The following CCDC141 variants were observed in gnomAD, a reference collection of about 807,000 sequenced individuals.
CCDC141 encodes coiled-coil domain-containing protein 141.
In CCDC141, 168 loss-of-function variants were observed where a neutral mutation model predicts 181.0. The ratio of observed to expected loss-of-function variants is 0.93; its 90% CI spans 0.82 to 1.05. The LOEUF is 1.05. Ranked by LOEUF, CCDC141 falls within the 50% of genes least tolerant of loss-of-function variation. The pLI, the probability that CCDC141 is intolerant of heterozygous loss-of-function variation, is 0.00. For missense variants in CCDC141, 1,902 were observed against 1,788.5 expected, an observed-to-expected ratio of 1.06 and a Z score of -1.14; for synonymous variants, 666 against 642.3, an observed-to-expected ratio of 1.04 and a Z score of -0.56.
chr2:178,993,652 T>C (rs1170107985), intron 2 of CCDC141, among the ~76,000 whole-genome samples: 1 of 152,020 alleles, frequency 6.6e-6, no homozygotes, highest in Non-Finnish European at 1.5e-5. Context: ...TTCCCAACAG[T>C]CCCCAAAGTC....
chr2:178,971,346 A>C (rs1180026237), intron 4 of CCDC141, among the ~76,000 whole-genome samples: 1 of 152,260 alleles, frequency 6.6e-6, no homozygotes, highest in African/African-American at 2.4e-5. Flanking sequence ...GTCATTAGAG[A>C]AATGCAAATC....
chr2:178,981,396 AC>A (rs35975073), intron 2 of CCDC141, among the ~76,000 whole-genome samples: 64,152 of 150,942 alleles, frequency 0.43, 14,185 homozygotes, highest in East Asian at 0.7. Context: ...ATACGAATAT[AC>A]TCTCAGACCA....
chr2:179,005,913 T>C (rs139026366), intron 2 of CCDC141, among the ~76,000 whole-genome samples: 304 of 152,302 alleles, frequency 2.0e-3, no homozygotes, highest in African/African-American at 7.0e-3. Flanking sequence ...CCCAGTGGTA[T>C]TTGTGTTTCT....
chr2:178,872,719 A>T (rs577583798), intron 12 of CCDC141, among the ~76,000 whole-genome samples: 1 of 152,194 alleles, frequency 6.6e-6, no homozygotes, highest in African/African-American at 2.4e-5. Flanking sequence ...GTATCAAGGC[A>T]TAGGAGGGGA....
At chr2:178,992,028 T>C (rs1038752802) in intron 2 of CCDC141, among the ~76,000 whole-genome samples, 11 of 152,092 alleles carry the variant, frequency 7.2e-5, no homozygotes, top group East Asian at 1.9e-4. Flanking sequence ...ATGGAAAATA[T>C]TGAATAATTT....
At chr2:178,881,583 C>T (rs912819319) in intron 11 of CCDC141, among the ~76,000 whole-genome samples, 18 of 151,912 alleles carry the variant, frequency 1.2e-4, no homozygotes, top group African/African-American at 3.9e-4. Flanking sequence ...GTGAAGAGGT[C>T]GCAAGTGGAA....
chr2:179,013,566 T>C (rs765066035), intron 2 of CCDC141, among the ~76,000 whole-genome samples: 8 of 151,984 alleles, frequency 5.3e-5, no homozygotes, highest in Non-Finnish European at 8.8e-5. Flanking sequence ...TTTAACGCAG[T>C]TCCCATCAAA....
At chr2:178,916,633 T>A (rs188792188) in intron 7 of CCDC141, among the ~76,000 whole-genome samples, 4 of 152,258 alleles carry the variant, frequency 2.6e-5, no homozygotes, top group African/African-American at 9.6e-5. Context: ...GGTAGAAATA[T>A]CCATCATCTT....
chr2:178,882,528 C>G (rs1686673084), intron 11 of CCDC141, among the ~76,000 whole-genome samples: 1 of 151,978 alleles, frequency 6.6e-6, no homozygotes, highest in African/African-American at 2.4e-5. Context: ...CCATGGAGGA[C>G]AGGTGAATAT....
chr2:178,954,196 T>G (rs1690067498), intron 5 of CCDC141, among the ~76,000 whole-genome samples: 1 of 152,214 alleles, frequency 6.6e-6, no homozygotes, highest in African/African-American at 2.4e-5. Context: ...TTATGCCTGA[T>G]TGGAGCAATT....
intron 7 of CCDC141, among the ~76,000 whole-genome samples, chr2:178,912,625 A>T (rs1688268046): frequency 6.6e-6 from 1 of 152,202 alleles, no homozygotes; most frequent in African/African-American, 2.4e-5. Flanking sequence ...AGGGTAAATT[A>T]AGACATCATC....
the CCDC141 span, among the ~76,000 whole-genome samples, chr2:178,820,617 GA>G: frequency 6.6e-6 from 1 of 152,078 alleles, no homozygotes; most frequent in African/African-American, 2.4e-5. Flanking sequence ...ATTTTTCCCT[GA>G]GAATGAGATC....
intron 2 of CCDC141, among the ~76,000 whole-genome samples, chr2:179,019,693 C>T (rs1229901399): frequency 6.6e-6 from 1 of 152,040 alleles, no homozygotes; most frequent in African/African-American, 2.4e-5. Flanking sequence ...AACATAGTTC[C>T]AATACATTGG....
At chr2:178,852,899 A>G (rs979668962) in intron 20 of CCDC141, among the ~76,000 whole-genome samples, 3 of 152,234 alleles carry the variant, frequency 2.0e-5, no homozygotes, top group African/African-American at 4.8e-5. Flanking sequence ...AGAGGAAAGC[A>G]GAACTTGTAA....
At chr2:179,035,601 C>T (rs1447036308) in intron 2 of CCDC141, among the ~76,000 whole-genome samples, 1 of 152,170 alleles carries the variant, frequency 6.6e-6, no homozygotes, top group Non-Finnish European at 1.5e-5. Context: ...CAAGGTGGCT[C>T]ATTCACATGA....
chr2:179,008,785 G>T (rs1391793367), intron 2 of CCDC141, among the ~76,000 whole-genome samples: 1 of 152,078 alleles, frequency 6.6e-6, no homozygotes, highest in Non-Finnish European at 1.5e-5. Context: ...GACTATCAGG[G>T]TACCTGAAAA....
chr2:178,963,214 GAGA>G (rs1182429174), intron 4 of CCDC141, among the ~76,000 whole-genome samples: 3 of 152,154 alleles, frequency 2.0e-5, no homozygotes, highest in African/African-American at 4.8e-5. Context: ...AAGAGAAGTT[GAGA>G]AGAAGATTTT....
chr2:178,973,899 A>C (rs113582315), intron 4 of CCDC141, among the ~76,000 whole-genome samples: 136 of 152,330 alleles, frequency 8.9e-4, no homozygotes, highest in African/African-American at 2.9e-3. Flanking sequence ...CTTTGGACCT[A>C]GCTAGATTAC....
rs575746432 is a variant in CCDC141 at position 179,022,899 on chromosome 2, G to A, written c.225+24385C>T. Among the ~76,000 whole-genome samples the A allele has an allele frequency of 8.1e-5, 12 of 147,878 alleles. 1 individual carries two copies. In the South Asian group the frequency reaches 1.5e-3, roughly 19 times the overall value. Reference sequence around the variant, plus strand: ...TTCCTGCAAATCCTATGAGATCCACGGCCTCAGTATTGCTAACTGAGTGGT... The same window carrying A: ...TTCCTGCAAATCCTATGAGATCCACAGCCTCAGTATTGCTAACTGAGTGGT... On this transcript the variant is annotated intron_variant, in intron 2 of 23. Coordinates refer to ENST00000443758, the MANE Select transcript of CCDC141 (RefSeq NM_173648.4).
Sources: allele counts gnomAD v4.1 joint callset (sites outside exome capture counted in the v4.1 genomes callset), GRCh38; gene constraint gnomAD v4.1.1; transcripts MANE v1.5; gene names NCBI Gene and HGNC (gene_info 2026-07-23, HGNC 2026-07-21).